The following XIRP2 variants were observed in gnomAD, a reference collection of about 807,000 sequenced individuals.
XIRP2 encodes the protein xin actin-binding repeat-containing protein 2.
In XIRP2, 236 loss-of-function variants were observed where a neutral mutation model predicts 277.0. The observed-to-expected ratio is 0.85, with a 90% CI of 0.77 to 0.95. XIRP2 has a LOEUF of 0.95. XIRP2 is among the 40% of genes least tolerant of loss of function. The pLI is 0.00. For missense variants in XIRP2, 4,640 were observed against 4,157.5 expected, an observed-to-expected ratio of 1.12 and a Z score of -3.19; for synonymous variants, 1,490 against 1,416.5, an observed-to-expected ratio of 1.05 and a Z score of -1.17.
intron 2 of XIRP2, among the ~76,000 whole-genome samples, chr2:167,030,988 T>A (rs1395668394): frequency 6.6e-6 from 1 of 151,882 alleles, no homozygotes; most frequent in African/African-American, 2.4e-5. Flanking sequence ...TTCAAGTCTG[T>A]TTTATCAGAG....
chr2:167,058,938 G>A (rs1689105359), intron 2 of XIRP2, among the ~76,000 whole-genome samples: 1 of 151,874 alleles, frequency 6.6e-6, no homozygotes, highest in Non-Finnish European at 1.5e-5. Context: ...ACTTATGTTT[G>A]GCTGAGCTTA....
Position 167,248,365 on chromosome 2 carries a change from T to C in XIRP2, c.6973T>C (p.Phe2325Leu), listed in dbSNP as rs1245617477. The change falls in exon 9 of 11, where the codon TTT (phenylalanine) becomes CTT (leucine). Residue 2325 changes from phenylalanine (F) to leucine (L), a missense_variant. Coordinates refer to ENST00000409195, the MANE Select transcript of XIRP2 (RefSeq NM_152381.6). ...PLMMFPEKNG[F>L]LPSLSTEKIK... ...GATGATGTTTCCTGAAAAAAATGGGTTTCTTCCCTCACTGTCCACAGAGAA... is the reference window on the plus strand; with the variant it reads ...GATGATGTTTCCTGAAAAAAATGGGCTTCTTCCCTCACTGTCCACAGAGAA... 1 of 1,613,658 alleles carries C rather than the reference T, an allele frequency of 6.2e-7. No individual in the cohort carries two copies. Among genetic ancestry groups the C allele is most frequent in the South Asian group, 1.1e-5 (1 of 91,062 alleles).
chr2:167,054,858 AT>A, intron 2 of XIRP2, among the ~76,000 whole-genome samples: 1 of 152,330 alleles, frequency 6.6e-6, no homozygotes. Flanking sequence ...GATAATATTG[AT>A]ATTTGAATGT....
chr2:167,259,029 C>G lies in XIRP2; in HGVS notation c.*1212C>G. On this transcript the variant is annotated 3_prime_UTR_variant, in exon 11 of 11. Coordinates refer to ENST00000409195, the MANE Select transcript of XIRP2 (RefSeq NM_152381.6). Reference sequence around the variant, plus strand: ...CTCTTAAACATTAAAGGAAGCCATTCAAAGAGCAAAAATTTACACTTTTTC... The same window carrying G: ...CTCTTAAACATTAAAGGAAGCCATTGAAAGAGCAAAAATTTACACTTTTTC... 5.6e-6 allele frequency: 9 copies of G among 1,609,320 alleles called. No individual in the cohort carries two copies. Among genetic ancestry groups the G allele is most frequent in the Non-Finnish European group, 6.8e-6 (8 of 1,176,892 alleles).
At chr2:167,253,973 G>C in intron 9 of XIRP2, 59 bp from the exon 10 acceptor site, 1 of 1,509,588 alleles carries the variant, frequency 6.6e-7, no homozygotes, top group East Asian at 2.3e-5. Flanking sequence ...GTTTTGTTAT[G>C]TTTTTACAAT....
chr2:167,097,653 G>C (rs931535214), intron 2 of XIRP2, among the ~76,000 whole-genome samples: 4 of 152,100 alleles, frequency 2.6e-5, no homozygotes, highest in Admixed American at 1.3e-4. Flanking sequence ...TAGTGTCAGT[G>C]GTCTTTACAT....
chr2:166,974,667 TAAAAC>T (rs1686664577), intron 2 of XIRP2, among the ~76,000 whole-genome samples: 2 of 151,936 alleles, frequency 1.3e-5, no homozygotes, highest in South Asian at 2.1e-4. Flanking sequence ...TAAAAGGAGT[TAAAAC>T]ATACTACCTA....
At chr2:166,996,169 A>G (rs1386328905) in intron 2 of XIRP2, among the ~76,000 whole-genome samples, 1 of 152,208 alleles carries the variant, frequency 6.6e-6, no homozygotes, top group African/African-American at 2.4e-5. Flanking sequence ...CCTGGTACAT[A>G]GTAGATACAC....
chr2:166,931,436 C>T (rs774042762), intron 2 of XIRP2, among the ~76,000 whole-genome samples: 1 of 152,166 alleles, frequency 6.6e-6, no homozygotes, highest in Non-Finnish European at 1.5e-5. Flanking sequence ...TAGCACCTTA[C>T]CCATAGGTAA....
At chr2:166,906,397 A>G (rs1418174890) in intron 2 of XIRP2, among the ~76,000 whole-genome samples, 1 of 152,098 alleles carries the variant, frequency 6.6e-6, no homozygotes, top group Non-Finnish European at 1.5e-5. Flanking sequence ...TACATTATGT[A>G]TACATACATG....
At chr2:167,093,936 G>T (rs368791879) in intron 2 of XIRP2, among the ~76,000 whole-genome samples, 1 of 152,052 alleles carries the variant, frequency 6.6e-6, no homozygotes, top group Non-Finnish European at 1.5e-5. Flanking sequence ...CCCACCAACC[G>T]TGTAAAAGCA....
At chr2:167,177,238 CATAG>C (rs1350112041) in intron 3 of XIRP2, among the ~76,000 whole-genome samples, 1 of 152,306 alleles carries the variant, frequency 6.6e-6, no homozygotes, top group Non-Finnish European at 1.5e-5. Context: ...TCTCTAATCT[CATAG>C]ATAGAGCTTA....
At chr2:167,020,917 A>C in intron 2 of XIRP2, among the ~76,000 whole-genome samples, 1 of 152,086 alleles carries the variant, frequency 6.6e-6, no homozygotes, top group African/African-American at 2.4e-5. Flanking sequence ...TAATTTATTA[A>C]TTGTTAATTG....
At position 167,242,541 on chromosome 2, in the gene XIRP2, A is replaced by G. The variant is rs1285314577; in HGVS notation, c.1177-28A>G. On this transcript the variant is annotated intron_variant, in intron 8 of 10. Coordinates refer to ENST00000409195, the MANE Select transcript of XIRP2 (RefSeq NM_152381.6). ...AGCCTCTGCCACTACACTCACCTTT[A>G]TAAGATTTGATTTTCTCTCCCCTAA... 4.4e-6 allele frequency: 7 copies of G among 1,581,810 alleles called. No individual in the cohort carries two copies. In the African/African-American group the frequency reaches 8.1e-5, roughly 18 times the overall value.
At chr2:166,968,113 A>G (rs1209384089) in intron 2 of XIRP2, among the ~76,000 whole-genome samples, 1 of 151,986 alleles carries the variant, frequency 6.6e-6, no homozygotes, top group Non-Finnish European at 1.5e-5. Context: ...CATATAGAAG[A>G]AGGTATCAGC....
chr2:167,202,382 C>T (rs1472800593), intron 3 of XIRP2, among the ~76,000 whole-genome samples: 1 of 152,150 alleles, frequency 6.6e-6, no homozygotes, highest in Non-Finnish European at 1.5e-5. Flanking sequence ...CATAACTGCT[C>T]TAGTACCAGA....
intron 7 of XIRP2, among the ~76,000 whole-genome samples, 187 bp downstream of exon 7, chr2:167,240,923 T>G (rs1695047403): frequency 6.6e-6 from 1 of 152,194 alleles, no homozygotes; most frequent in African/African-American, 2.4e-5. Flanking sequence ...ATAGGTGCAA[T>G]AAGTTTCTAA....
rs371646976 is a variant in XIRP2, at chr2:166,910,908, T to C, written c.408+7018T>C. Among the ~76,000 whole-genome samples the C allele has an allele frequency of 4.6e-5, 7 of 152,338 alleles. No homozygotes were observed. The South Asian group carries it at 6.2e-4, about 14-fold the overall frequency. The stretch of plus-strand genomic sequence containing the variant: ...TCAGGAGCGGGTTGTTCAGTTTCCA[T>C]GTAGTTGAGCGGTTTTGAGTGAGTT... On this transcript the variant is annotated intron_variant, in intron 2 of 10. Coordinates refer to ENST00000409195, the MANE Select transcript of XIRP2 (RefSeq NM_152381.6).
In XIRP2 at chr2:167,185,793, G is replaced by T. The variant is rs562311244; in HGVS notation, c.563-24942G>T. On this transcript the variant is annotated intron_variant, in intron 3 of 10. Transcript: ENST00000409195. ...TTTTCTATGTAAATGTTATGTTGGAGTAATAACAATGTAAGTATAATAATT... is the reference window on the plus strand; with the variant it reads ...TTTTCTATGTAAATGTTATGTTGGATTAATAACAATGTAAGTATAATAATT... 3.9e-5 allele frequency among the ~76,000 whole-genome samples: 6 copies of T among 152,172 alleles called. No individual in the cohort carries two copies. The East Asian group carries it at 1.2e-3, about 29-fold the overall frequency.
Sources: allele counts gnomAD v4.1 joint callset (sites outside exome capture counted in the v4.1 genomes callset), GRCh38; gene constraint gnomAD v4.1.1; transcripts MANE v1.5; gene names NCBI Gene and HGNC (gene_info 2026-07-23, HGNC 2026-07-21).